PPARG: variants seen among roughly 807,000 people sequenced by gnomAD.
The protein encoded by PPARG is peroxisome proliferator activated receptor gamma.
A neutral mutation model predicts 39.2 loss-of-function variants in PPARG; 17 were observed. That is an observed-to-expected ratio of 0.43 (90% CI 0.30 to 0.65). The LOEUF is 0.65. Among genes scored for constraint, PPARG ranks in the 30% least tolerant of loss-of-function variants. PPARG has a pLI of 0.13. For synonymous variants in PPARG, 223 were observed against 215.7 expected (o/e 1.03, Z -0.30); for missense variants, 406 against 585.9 (o/e 0.69, Z 3.17).
chr3:12,384,854 T>C (rs2049815225), intron 4 of PPARG, among the ~76,000 whole-genome samples: 5 of 152,140 alleles, frequency 3.3e-5, no homozygotes, highest in African/African-American at 1.2e-4. Flanking sequence ...AATTTCTCAG[T>C]TGTAATTTCT....
intron 6 of PPARG, among the ~76,000 whole-genome samples, chr3:12,407,368 G>A (rs942068562): frequency 6.6e-6 from 1 of 152,072 alleles, no homozygotes; most frequent in Non-Finnish European, 1.5e-5. Flanking sequence ...TCACCATGTT[G>A]GCCAGGATGG....
chr3:12,291,462 T>G (rs2046647358), intron 1 of PPARG, among the ~76,000 whole-genome samples: 1 of 152,208 alleles, frequency 6.6e-6, no homozygotes, highest in African/African-American at 2.4e-5. Context: ...GAAATCTTCT[T>G]GGAAGTTCTT....
At position 12,299,071 on chromosome 3, in the gene PPARG, G is replaced by C. The variant is rs1310236227; in HGVS notation, c.-83+9937G>C. ...GCTGGTCTTGAACTCGTAGGCCCAA[G>C]CAGTCCTCTGGCCTCTGCCTCCCAA... On this transcript the variant is annotated intron_variant, in intron 1 of 7. Coordinates refer to ENST00000651735, the MANE Select transcript of PPARG (RefSeq NM_138711.6). Among the ~76,000 whole-genome samples, 3 of 152,152 alleles carry C rather than the reference G, an allele frequency of 2.0e-5. No homozygotes were observed. The East Asian group carries it at 5.8e-4, about 29-fold the overall frequency.
At chr3:12,356,650 T>G (rs1326976394) in intron 2 of PPARG, among the ~76,000 whole-genome samples, 1 of 152,210 alleles carries the variant, frequency 6.6e-6, no homozygotes, top group Non-Finnish European at 1.5e-5. Context: ...CTAATAATAT[T>G]TATTGAGTGC....
chr3:12,417,183 AAG>A, intron 7 of PPARG, 29 bp downstream of exon 7: 1 of 1,607,656 alleles, frequency 6.2e-7, no homozygotes, highest in African/African-American at 1.3e-5. Flanking sequence ...TCTTCTATGA[AAG>A]AGGGTGGGAT....
intron 2 of PPARG, among the ~76,000 whole-genome samples, chr3:12,318,774 T>C (rs777410886): frequency 9.2e-5 from 14 of 152,124 alleles, no homozygotes; most frequent in Non-Finnish European, 1.5e-4. Flanking sequence ...ACATATACAG[T>C]GTTACATAGT....
At chr3:12,306,426 G>A (rs546353357) in intron 1 of PPARG, among the ~76,000 whole-genome samples, 3 of 152,252 alleles carry the variant, frequency 2.0e-5, no homozygotes, top group African/African-American at 7.2e-5. Context: ...AAAGTCAGAT[G>A]AAGAAACAGG....
chr3:12,333,424 T>G (rs141186596), intron 2 of PPARG, among the ~76,000 whole-genome samples: 117 of 152,272 alleles, frequency 7.7e-4, no homozygotes, highest in Non-Finnish European at 1.5e-3. Context: ...TCTTTCCATC[T>G]CTGTATCTCT....
intron 6 of PPARG, 129 bp downstream of exon 6, chr3:12,406,210 A>G: frequency 2.1e-6 from 2 of 958,590 alleles, no homozygotes; most frequent in East Asian, 2.6e-5. Context: ...GGCTGTTAAC[A>G]TATTGCAGGC....
chr3:12,391,548 A>C (rs749407699), intron 4 of PPARG, among the ~76,000 whole-genome samples: 3 of 152,188 alleles, frequency 2.0e-5, no homozygotes, highest in Non-Finnish European at 4.4e-5. Context: ...GGCTTGAGAA[A>C]CTGGAAGGAT....
intron 1 of PPARG, among the ~76,000 whole-genome samples, chr3:12,295,910 T>G (rs1197232356): frequency 6.6e-6 from 1 of 152,138 alleles, no homozygotes; most frequent in Non-Finnish European, 1.5e-5. Context: ...CTGACTGAAT[T>G]CTATTCCAGC....
At chr3:12,287,981 G>C (rs920302099), upstream of PPARG, 1 of 150,808 alleles carries the variant, frequency 6.6e-6, no homozygotes, top group Non-Finnish European at 1.5e-5. Context: ...GGTCGGCCTC[G>C]AGGACACCGG....
At chr3:12,410,208 A>G (rs1242979001) in intron 6 of PPARG, among the ~76,000 whole-genome samples, 2 of 152,214 alleles carry the variant, frequency 1.3e-5, no homozygotes, top group Non-Finnish European at 2.9e-5. Flanking sequence ...GGCTTGCTCC[A>G]GCCAAGGCCC....
chr3:12,287,816 GCCCCCACCCCCA>G (rs1216833289), upstream of PPARG: 73 of 37,596 alleles, frequency 1.9e-3, no homozygotes, highest in African/African-American at 2.5e-3. Flanking sequence ...CCCCGCCCCC[GCCCCCACCCCCA>G]CCCCCACCCC....
At chr3:12,299,854 A>G (rs1214160387) in intron 1 of PPARG, among the ~76,000 whole-genome samples, 1 of 152,214 alleles carries the variant, frequency 6.6e-6, no homozygotes, top group Non-Finnish European at 1.5e-5. Context: ...ACAAACTTTT[A>G]CAAGCTTAGA....
intron 2 of PPARG, among the ~76,000 whole-genome samples, chr3:12,354,581 GTCTC>G (rs1406728784): frequency 2.0e-5 from 3 of 151,920 alleles, no homozygotes; most frequent in Non-Finnish European, 4.4e-5. Context: ...ATGAAACCCT[GTCTC>G]TACTAAAAAT....
chr3:12,374,647 G>A (rs945201084), intron 2 of PPARG, among the ~76,000 whole-genome samples: 3 of 151,972 alleles, frequency 2.0e-5, no homozygotes, highest in East Asian at 1.9e-4. Context: ...AACAGAAAGA[G>A]CAAACCTTGA....
chr3:12,371,811 G>A, intron 2 of PPARG: 1 of 647,790 alleles, frequency 1.5e-6, no homozygotes, highest in South Asian at 1.5e-5. Flanking sequence ...TCTGTCAAAT[G>A]AGAACTCAGA....
chr3:12,320,228 A>G (rs1250849034), intron 2 of PPARG, among the ~76,000 whole-genome samples: 2 of 152,110 alleles, frequency 1.3e-5, no homozygotes, highest in African/African-American at 4.8e-5. Context: ...GTGCATATAT[A>G]TATGTATGTA....
Sources: gnomAD v4.1 joint callset for allele counts (sites outside exome capture counted in the v4.1 genomes callset) on GRCh38, gnomAD v4.1.1 for gene constraint, MANE v1.5 for transcripts, NCBI Gene and HGNC (gene_info 2026-07-23, HGNC 2026-07-21) for gene names.